The following SRGAP2C variants were observed in gnomAD, a reference collection of about 807,000 sequenced individuals.
SRGAP2C encodes SLIT-ROBO Rho GTPase activating protein 2C, also known as SLIT-ROBO Rho GTPase-activating protein 2C.
A neutral mutation model predicts 25.1 loss-of-function variants in SRGAP2C; 15 were observed. The observed-to-expected ratio is 0.60, with a 90% CI of 0.40 to 0.92. The LOEUF (loss-of-function observed/expected upper bound fraction) is 0.92. Ranked by LOEUF, SRGAP2C falls within the 40% of genes least tolerant of loss-of-function variation. The pLI is 0.00. For missense variants in SRGAP2C, 144 were observed against 264.4 expected, an observed-to-expected ratio of 0.54 and a Z score of 3.16; for synonymous variants, 44 against 96.6, an observed-to-expected ratio of 0.46 and a Z score of 3.19.
At chr1:121,223,005 G>A (rs1655571242) in intron 2 of SRGAP2C, among the ~76,000 whole-genome samples, 1 of 151,868 alleles carries the variant, frequency 6.6e-6, no homozygotes, top group South Asian at 2.1e-4. Flanking sequence ...AAAGGGTCTT[G>A]GGATCAAATG....
intron 3 of SRGAP2C, among the ~76,000 whole-genome samples, chr1:121,295,734 TTTGTTGTTGTTGTTG>T (rs1217576526): frequency 5.3e-5 from 8 of 149,966 alleles, no homozygotes; most frequent in Non-Finnish European, 8.9e-5. Context: ...CTTTTTTGTT[TTTGTTGTTGTTGTTG>T]TTGTTGTTGT....
chr1:121,211,299 A>C (rs587709075), intron 2 of SRGAP2C, among the ~76,000 whole-genome samples: 2 of 148,700 alleles, frequency 1.3e-5, no homozygotes, highest in African/African-American at 2.5e-5. Context: ...GGCAGGAATT[A>C]AGGTCTTGAT....
intron 2 of SRGAP2C, among the ~76,000 whole-genome samples, chr1:121,224,259 T>C (rs1655611439): frequency 8.9e-6 from 1 of 111,898 alleles, no homozygotes; most frequent in African/African-American, 3.7e-5. Context: ...GTGCGGTATT[T>C]GCCTGTTCAC....
At chr1:121,238,645 GCT>G (rs1329545123) in intron 2 of SRGAP2C, among the ~76,000 whole-genome samples, 5 of 151,492 alleles carry the variant, frequency 3.3e-5, no homozygotes, top group African/African-American at 1.2e-4. Context: ...ACAGAGTCTT[GCT>G]CTGTCACCCA....
chr1:121,198,605 TTGGCTGTTGCCA>T (rs1337139844), intron 2 of SRGAP2C, among the ~76,000 whole-genome samples: 1 of 129,992 alleles, frequency 7.7e-6, no homozygotes, highest in African/African-American at 3.0e-5. Context: ...TTCTGAAGAG[TTGGCTGTTGCCA>T]ACTCTTCTCC....
intron 2 of SRGAP2C, among the ~76,000 whole-genome samples, chr1:121,236,215 A>G (rs587764704): frequency 5.3e-5 from 8 of 152,130 alleles, no homozygotes; most frequent in African/African-American, 1.9e-4. Flanking sequence ...CTTTCCTGCG[A>G]TTACAGCCTG....
rs1321735789 is a variant in SRGAP2C at position 121,292,134 on chromosome 1, G to A, written c.260+7139G>A. ...TGTCTTTAGTTCTGTTTGTTTTTCCGCCATTAAACTCATGGCCTGCCTGCT... is the reference window on the plus strand; with the variant it reads ...TGTCTTTAGTTCTGTTTGTTTTTCCACCATTAAACTCATGGCCTGCCTGCT... On this transcript the variant is annotated intron_variant, in intron 3 of 9. Transcript: ENST00000367123. 6.0e-3 allele frequency among the ~76,000 whole-genome samples: 909 copies of A among 150,688 alleles called. 8 individuals carry two copies. Among genetic ancestry groups the A allele is most frequent in the African/African-American group, 0.014 (552 of 40,558 alleles).
chr1:121,293,055 G>A (rs1657521132), intron 3 of SRGAP2C, among the ~76,000 whole-genome samples: 2 of 123,256 alleles, frequency 1.6e-5, no homozygotes, highest in East Asian at 2.6e-4. Context: ...TCAATGGATG[G>A]GAGATAAAAA....
At chr1:121,270,719 A>C in intron 2 of SRGAP2C, among the ~76,000 whole-genome samples, 1 of 131,280 alleles carries the variant, frequency 7.6e-6, no homozygotes, top group African/African-American at 2.9e-5. Flanking sequence ...ACCCATTCCC[A>C]CTCTCCTCCA....
chr1:121,228,917 G>A (rs587771259), intron 2 of SRGAP2C, among the ~76,000 whole-genome samples: 37 of 151,966 alleles, frequency 2.4e-4, no homozygotes, highest in Non-Finnish European at 4.7e-4. Context: ...CATACTGTGG[G>A]GGTGTTTCTA....
At chr1:121,207,735 T>C (rs1461352578) in intron 2 of SRGAP2C, among the ~76,000 whole-genome samples, 2 of 152,124 alleles carry the variant, frequency 1.3e-5, no homozygotes, top group African/African-American at 4.8e-5. Context: ...ATGTATTCTA[T>C]TCTCACTTCC....
chr1:121,309,815 G>A (rs1657940226), intron 3 of SRGAP2C, among the ~76,000 whole-genome samples: 1 of 50,522 alleles, frequency 2.0e-5, no homozygotes, highest in Non-Finnish European at 3.9e-5. Context: ...TCTTAATCCA[G>A]TCTATCATTG....
intron 2 of SRGAP2C, among the ~76,000 whole-genome samples, chr1:121,228,853 G>C (rs1570721278): frequency 6.6e-6 from 1 of 150,732 alleles, no homozygotes; most frequent in East Asian, 2.0e-4. Flanking sequence ...TGTTATGTGG[G>C]CATATTTGGT....
intron 3 of SRGAP2C, among the ~76,000 whole-genome samples, chr1:121,314,692 G>A (rs1487292084): frequency 6.6e-6 from 1 of 150,750 alleles, no homozygotes; most frequent in African/African-American, 2.4e-5. Flanking sequence ...GCTGTGTGAG[G>A]TGTCAGTGTG....
At chr1:121,286,032 T>C (rs1167763165) in intron 3 of SRGAP2C, among the ~76,000 whole-genome samples, 3 of 152,132 alleles carry the variant, frequency 2.0e-5, no homozygotes, top group Non-Finnish European at 4.4e-5. Context: ...TTTAAGAAAG[T>C]TTACAAATTT....
chr1:121,347,050 A>G (rs1228913668), intron 4 of SRGAP2C, among the ~76,000 whole-genome samples: 3 of 149,848 alleles, frequency 2.0e-5, no homozygotes, highest in African/African-American at 7.4e-5. Flanking sequence ...CTACCACAGC[A>G]TAGGAAATGA....
chr1:121,314,813 C>G, intron 3 of SRGAP2C: 1 of 467,948 alleles, frequency 2.1e-6, no homozygotes, highest in South Asian at 1.8e-5. Context: ...GCTGGGAGAA[C>G]CACTGCTCTC....
chr1:121,211,107 C>G (rs1189615886), intron 2 of SRGAP2C, among the ~76,000 whole-genome samples: 1 of 150,208 alleles, frequency 6.7e-6, no homozygotes, highest in Admixed American at 6.6e-5. Flanking sequence ...AGTGAAGGAT[C>G]CTTCTCTTCA....
chr1:121,270,284 T>A (rs1472882740), intron 2 of SRGAP2C, among the ~76,000 whole-genome samples: 7 of 152,122 alleles, frequency 4.6e-5, no homozygotes, highest in African/African-American at 1.7e-4. Flanking sequence ...GGCTACTTTA[T>A]CTTCAGGCCT....
Sources: gnomAD v4.1 joint callset for allele counts (sites outside exome capture counted in the v4.1 genomes callset) on GRCh38, gnomAD v4.1.1 for gene constraint, MANE v1.5 for transcripts, NCBI Gene and HGNC (gene_info 2026-07-23, HGNC 2026-07-21) for gene names.